Variants in DYSF observed in about 807,000 individuals in gnomAD.
The protein encoded by DYSF is dysferlin.
A neutral mutation model predicts 274.9 loss-of-function variants in DYSF; 212 were observed. The ratio of observed to expected loss-of-function variants is 0.77; its 90% CI spans 0.69 to 0.86. The LOEUF is 0.86. DYSF is among the 40% of genes least tolerant of loss of function. The pLI is 0.00. For missense variants in DYSF, 2,666 were observed against 2,783.2 expected, an observed-to-expected ratio of 0.96 and a Z score of 0.95; for synonymous variants, 1,091 against 1,078.7, an observed-to-expected ratio of 1.01 and a Z score of -0.22.
chr2:71,612,605 G>T, intron 38 of DYSF, 36 bp from the exon 39 acceptor site: 1 of 1,609,914 alleles, frequency 6.2e-7, no homozygotes, highest in East Asian at 2.2e-5. Flanking sequence ...TCCCAGAGGG[G>T]GATTCAGGCC....
chr2:71,582,918 C>T (rs1204754142), intron 30 of DYSF, among the ~76,000 whole-genome samples: 1 of 151,742 alleles, frequency 6.6e-6, no homozygotes, highest in East Asian at 1.9e-4. Context: ...TGGCTCATGC[C>T]TGTAATCTCA....
chr2:71,543,687 C>G (rs2090173639), intron 17 of DYSF, among the ~76,000 whole-genome samples: 1 of 152,220 alleles, frequency 6.6e-6, no homozygotes, highest in Non-Finnish European at 1.5e-5. Context: ...CAGCGAAACC[C>G]CATCTCCACC....
At chr2:71,507,756 G>C (rs992077327) in intron 4 of DYSF, among the ~76,000 whole-genome samples, 10 of 152,222 alleles carry the variant, frequency 6.6e-5, no homozygotes, top group African/African-American at 2.4e-4. Context: ...CCCCCCACAG[G>C]CCTGGCCTCT....
At chr2:71,624,639 A>G (rs1270874277) in intron 41 of DYSF, among the ~76,000 whole-genome samples, 1 of 152,242 alleles carries the variant, frequency 6.6e-6, no homozygotes, top group Non-Finnish European at 1.5e-5. Context: ...CAAAATGTGT[A>G]ATAGTAGGAA....
At chr2:71,520,097 A>T in intron 10 of DYSF, 81 bp from the exon 11 acceptor site, 1 of 1,546,200 alleles carries the variant, frequency 6.5e-7, no homozygotes, top group East Asian at 2.2e-5. Context: ...ATGGTTTTTA[A>T]TGGAATCATA....
Position 71,641,178 on chromosome 2 carries a change from A to ATTTTTTT in DYSF, c.4528-2775_4528-2769dup, listed in dbSNP as rs10683765. 2.6e-3 allele frequency among the ~76,000 whole-genome samples: 319 copies of ATTTTTTT among 124,488 alleles called. 9 individuals are homozygous for ATTTTTTT. Among genetic ancestry groups the ATTTTTTT allele is most frequent in the African/African-American group, 9.8e-3 (308 of 31,334 alleles). 81.7% of individuals were successfully genotyped at this position (124,488 alleles called of 152,430 possible). On this transcript the variant is annotated intron_variant, in intron 41 of 55. Transcript: ENST00000410020. ...AATTAGATTTGATAAATGTTTATCT[A>ATTTTTTT]TTTTTTTTTTTTTTTTTTGAGACGG...
Position 71,664,551 on chromosome 2 carries a change from TC to T in DYSF, c.5174+115del, listed in dbSNP as rs1289646271. The T allele has an allele frequency of 5.4e-6, 7 of 1,307,916 alleles. No individual in the cohort carries two copies. In the African/African-American group the frequency reaches 1.0e-4, roughly 19 times the overall value. The allele number at this position is 1,307,916 out of a possible 1,614,324, so 81.0% of individuals were successfully genotyped here. A position where few individuals can be genotyped will look rare whatever the true frequency, so the allele number is the denominator to read the frequency against. ...GTGTGCCAGCCCTGGGCTTAGCACT[TC>T]CTAGGCATTCTCTCATTGAGTCCAA... On this transcript the variant is annotated intron_variant, in intron 46 of 55. Coordinates refer to ENST00000410020, the MANE Select transcript of DYSF (RefSeq NM_001130987.2).
chr2:71,507,642 A>G (rs2085630837), intron 4 of DYSF, among the ~76,000 whole-genome samples: 1 of 152,136 alleles, frequency 6.6e-6, no homozygotes, highest in African/African-American at 2.4e-5. Flanking sequence ...GAGGGAATGA[A>G]TATGTGAGTT....
Position 71,572,899 on chromosome 2 carries a change from G to A in DYSF, c.3229-1299G>A, listed in dbSNP as rs72900900. On this transcript the variant is annotated intron_variant, in intron 29 of 55. Coordinates refer to ENST00000410020, the MANE Select transcript of DYSF (RefSeq NM_001130987.2). ...CCCCGTTGGCATTCATGCAATGCAA[G>A]CACACATGCCCACAGTTGAGCACAG... Among the ~76,000 whole-genome samples the A allele has an allele frequency of 5.5e-3, 837 of 152,350 alleles. 15 individuals are homozygous for A. The highest frequency in any genetic ancestry group is 0.02 in the African/African-American group (812 of 41,590).
chr2:71,544,138 C>A (rs2090265799), intron 17 of DYSF, among the ~76,000 whole-genome samples: 1 of 152,226 alleles, frequency 6.6e-6, no homozygotes, highest in African/African-American at 2.4e-5. Context: ...CTGTAATATG[C>A]AGGTGAATGC....
intron 1 of DYSF, among the ~76,000 whole-genome samples, chr2:71,477,774 C>T (rs1234445761): frequency 6.6e-6 from 1 of 152,216 alleles, no homozygotes; most frequent in Non-Finnish European, 1.5e-5. Flanking sequence ...TTTCACATTG[C>T]AACTTACTGT....
In DYSF at chr2:71,577,576, AC is replaced by A. The variant is rs202140183; in HGVS notation, c.3402+3207del. Among the ~76,000 whole-genome samples, 840 of 150,462 alleles carry A rather than the reference AC, an allele frequency of 5.6e-3. 15 individuals are homozygous for A. Among genetic ancestry groups the A allele is most frequent in the African/African-American group, 0.02 (816 of 40,924 alleles). ...CAATCACACACATACCCTCACACAC[AC>A]CAACACACTCATACACACCAACACA... On this transcript the variant is annotated intron_variant, in intron 30 of 55. Transcript: ENST00000410020.
chr2:71,554,558 A>G (rs1199782752), intron 21 of DYSF, among the ~76,000 whole-genome samples: 1 of 151,930 alleles, frequency 6.6e-6, no homozygotes, highest in Non-Finnish European at 1.5e-5. Flanking sequence ...CAGCTAGGCC[A>G]CCATTGCAGG....
At chr2:71,578,992 A>G (rs920785417) in intron 30 of DYSF, among the ~76,000 whole-genome samples, 21 of 152,186 alleles carry the variant, frequency 1.4e-4, no homozygotes, top group Admixed American at 2.0e-4. Flanking sequence ...TGGCATTTCC[A>G]AAGACACCGG....
intron 12 of DYSF, among the ~76,000 whole-genome samples, chr2:71,523,608 G>A (rs1186304684): frequency 2.0e-5 from 3 of 146,572 alleles, no homozygotes; most frequent in South Asian, 2.2e-4. Context: ...GTGCCATGGT[G>A]CAATCTCGGC....
chr2:71,589,549 A>C (rs756874679), intron 30 of DYSF, 44 bp from the exon 31 acceptor site: 1 of 1,561,186 alleles, frequency 6.4e-7, no homozygotes, highest in Non-Finnish European at 8.8e-7. Flanking sequence ...TGCCACCCCC[A>C]GGCCTGGGGG....
intron 3 of DYSF, among the ~76,000 whole-genome samples, chr2:71,485,162 T>C (rs2083265501): frequency 6.6e-6 from 1 of 152,254 alleles, no homozygotes; most frequent in Non-Finnish European, 1.5e-5. Flanking sequence ...TTAAAACTTG[T>C]CTTAATTAAA....
intron 28 of DYSF, 54 bp from the exon 29 acceptor site, chr2:71,570,545 A>C: frequency 6.2e-7 from 1 of 1,605,364 alleles, no homozygotes; most frequent in Non-Finnish European, 8.5e-7. Context: ...AGATGGTCCC[A>C]GGAGAGATGG....
chr2:71,608,468 T>C (rs973919050), intron 36 of DYSF, among the ~76,000 whole-genome samples: 7 of 152,060 alleles, frequency 4.6e-5, no homozygotes, highest in African/African-American at 7.2e-5. Context: ...GAGATGGCCT[T>C]GGGATGCATG....
Sources: gnomAD v4.1 joint callset for allele counts (sites outside exome capture counted in the v4.1 genomes callset) on GRCh38, gnomAD v4.1.1 for gene constraint, MANE v1.5 for transcripts, NCBI Gene and HGNC (gene_info 2026-07-23, HGNC 2026-07-21) for gene names.